The following CDH13 variants were observed in gnomAD, a reference collection of about 807,000 sequenced individuals.
CDH13 encodes the protein cadherin 13.
In CDH13, 24 loss-of-function variants were observed where a neutral mutation model predicts 63.8. The observed-to-expected ratio is 0.38, with a 90% confidence interval of 0.27 to 0.53. The LOEUF is 0.53. Ranked by LOEUF, CDH13 falls within the 20% of genes least tolerant of loss-of-function variation. The pLI, the probability that CDH13 is intolerant of heterozygous loss-of-function variation, is 0.85. For synonymous variants in CDH13, 503 were observed against 355.3 expected (o/e 1.42, Z -4.67); for missense variants, 1,049 against 903.1 (o/e 1.16, Z -2.07).
At chr16:82,664,726 C>T (rs922935549) in intron 1 of CDH13, among the ~76,000 whole-genome samples, 1 of 152,140 alleles carries the variant, frequency 6.6e-6, no homozygotes, top group Non-Finnish European at 1.5e-5. Context: ...TTTCACTTTA[C>T]TGGTTTGGTA....
At chr16:82,854,773 T>A (rs1309331715) in intron 1 of CDH13, among the ~76,000 whole-genome samples, 1 of 152,236 alleles carries the variant, frequency 6.6e-6, no homozygotes, top group East Asian at 1.9e-4. Context: ...CCCAGAGAGA[T>A]CTATATTTTC....
intron 2 of CDH13, among the ~76,000 whole-genome samples, chr16:82,971,519 C>T (rs1489506620): frequency 6.6e-5 from 10 of 152,156 alleles, no homozygotes; most frequent in East Asian, 3.8e-4. Flanking sequence ...CCAAGTGCAT[C>T]GAAGAATAGG....
At chr16:83,020,470 G>T (rs1915244367) in intron 2 of CDH13, among the ~76,000 whole-genome samples, 1 of 152,132 alleles carries the variant, frequency 6.6e-6, no homozygotes, top group Non-Finnish European at 1.5e-5. Context: ...CCCTATGACT[G>T]CTCTAGTGTT....
intron 4 of CDH13, chr16:83,171,623 G>C (rs77405883): frequency 0.036 from 50,932 of 1,419,234 alleles, 1,717 homozygotes; most frequent in African/African-American, 0.14. Context: ...TTCCTTGTTT[G>C]TGTCTCCAAT....
At chr16:82,884,298 G>C in intron 2 of CDH13, 1 of 436,908 alleles carries the variant, frequency 2.3e-6, no homozygotes, top group East Asian at 7.0e-5. Context: ...GCAGAGGCAT[G>C]CTATTGAGAA....
intron 1 of CDH13, among the ~76,000 whole-genome samples, chr16:82,647,122 G>A (rs1910187432): frequency 6.6e-6 from 1 of 152,164 alleles, no homozygotes; most frequent in Admixed American, 6.5e-5. Context: ...TGTGACCATG[G>A]GCAAGTTGCT....
chr16:83,753,471 G>A (rs887767391), intron 11 of CDH13, among the ~76,000 whole-genome samples: 1 of 152,140 alleles, frequency 6.6e-6, no homozygotes, highest in Non-Finnish European at 1.5e-5. Flanking sequence ...CCTGAACCCA[G>A]GTAGGTCAAG....
chr16:83,394,867 G>A (rs1031395168), intron 6 of CDH13, among the ~76,000 whole-genome samples: 1 of 152,106 alleles, frequency 6.6e-6, no homozygotes, highest in African/African-American at 2.4e-5. Context: ...TCAAGGAAGG[G>A]CCAGGCACAG....
intron 1 of CDH13, among the ~76,000 whole-genome samples, chr16:82,780,371 A>C (rs992182355): frequency 6.6e-6 from 1 of 152,196 alleles, no homozygotes; most frequent in African/African-American, 2.4e-5. Context: ...CAAACAGGGT[A>C]GAAATGACTG....
At chr16:83,247,756 C>A (rs868418164) in intron 5 of CDH13, among the ~76,000 whole-genome samples, 23 of 152,088 alleles carry the variant, frequency 1.5e-4, no homozygotes, top group African/African-American at 5.6e-4. Flanking sequence ...AATTATAAAT[C>A]CTTTCAGTGG....
At chr16:82,844,934 C>T (rs529285416) in intron 1 of CDH13, among the ~76,000 whole-genome samples, 4 of 152,032 alleles carry the variant, frequency 2.6e-5, no homozygotes, top group African/African-American at 9.6e-5. Flanking sequence ...GGATTACAGG[C>T]GTGAGGCACC....
chr16:83,051,649 A>C (rs1261402931), intron 3 of CDH13, among the ~76,000 whole-genome samples: 1 of 152,240 alleles, frequency 6.6e-6, no homozygotes, highest in Non-Finnish European at 1.5e-5. Context: ...ATTCTTCACA[A>C]ACATGCCAAG....
chr16:83,643,334 C>G (rs1911487607), intron 8 of CDH13, among the ~76,000 whole-genome samples: 1 of 150,544 alleles, frequency 6.6e-6, no homozygotes. Context: ...TCTCCACACA[C>G]CTGAGAGAGG....
chr16:83,659,785 CTTTT>C (rs35285231), intron 8 of CDH13, among the ~76,000 whole-genome samples: 3 of 122,934 alleles, frequency 2.4e-5, no homozygotes, highest in East Asian at 2.4e-4. Flanking sequence ...AGTCCACAAC[CTTTT>C]TTTTTTTTTT....
chr16:83,141,741 C>G (rs1300714099), intron 4 of CDH13, among the ~76,000 whole-genome samples: 3 of 152,158 alleles, frequency 2.0e-5, no homozygotes, highest in Non-Finnish European at 2.9e-5. Context: ...TTGTTCAGCT[C>G]CCACTTACAA....
At chr16:82,728,978 T>G (rs1317050920) in intron 1 of CDH13, among the ~76,000 whole-genome samples, 1 of 152,200 alleles carries the variant, frequency 6.6e-6, no homozygotes, top group African/African-American at 2.4e-5. Context: ...CTTTCTTGGC[T>G]CATCTATAAG....
At chr16:83,115,313 A>G (rs4238729) in intron 3 of CDH13, among the ~76,000 whole-genome samples, 151,709 of 152,322 alleles carry the variant, frequency 1, 75,553 homozygotes, top group Non-Finnish European at 1. Context: ...TGAGATAATC[A>G]TACAATGTGT....
chr16:83,035,854 T>C (rs1916800656), intron 3 of CDH13, among the ~76,000 whole-genome samples: 1 of 152,212 alleles, frequency 6.6e-6, no homozygotes, highest in Non-Finnish European at 1.5e-5. Flanking sequence ...AATGAGACGA[T>C]ACATGTAGCA....
At chr16:82,977,073 A>G (rs549888371) in intron 2 of CDH13, among the ~76,000 whole-genome samples, 1 of 152,326 alleles carries the variant, frequency 6.6e-6, no homozygotes, top group South Asian at 2.1e-4. Flanking sequence ...TAAAACAACT[A>G]AATATACCTC....
Sources: allele counts gnomAD v4.1 joint callset (sites outside exome capture counted in the v4.1 genomes callset), GRCh38; gene constraint gnomAD v4.1.1; transcripts MANE v1.5; gene names NCBI Gene and HGNC (gene_info 2026-07-23, HGNC 2026-07-21).